NDUFAF6: variants seen among roughly 807,000 people sequenced by gnomAD.
NDUFAF6 encodes the protein NADH:ubiquinone oxidoreductase complex assembly factor 6.
NDUFAF6 carries 45 observed loss-of-function variants against 40.8 expected under a neutral mutation model. The observed-to-expected ratio is 1.10, with a 90% CI of 0.87 to 1.42. NDUFAF6 has a LOEUF of 1.42. NDUFAF6 is among the 40% of genes most tolerant of loss of function. NDUFAF6 has a pLI of 0.00. For synonymous variants in NDUFAF6, 185 were observed against 155.9 expected (o/e 1.19, Z -1.39); for missense variants, 435 against 418.5 (o/e 1.04, Z -0.34).
Position 95,004,928 on chromosome 8 carries a change from C to T in NDUFAF6, c.-84+23955C>T, listed in dbSNP as rs116403688. Among the ~76,000 whole-genome samples the T allele has an allele frequency of 1.0e-2, 1,516 of 152,194 alleles. 28 individuals are homozygous for T. Among genetic ancestry groups the T allele is most frequent in the African/African-American group, 0.035 (1,438 of 41,518 alleles). ...AATAAATATTGGTGAAATGATTTAT[C>T]GGAAGGGTCAAAGATAATTCTGAGG... On this transcript the variant is annotated intron_variant, in intron 2 of 9. Coordinates refer to the NDUFAF6 transcript ENST00000396111.
chr8:95,082,549 T>A (rs1808904874), intron 2 of NDUFAF6, among the ~76,000 whole-genome samples: 1 of 150,810 alleles, frequency 6.6e-6, no homozygotes, highest in South Asian at 2.1e-4. Flanking sequence ...TTGGATTTCC[T>A]GTTTTATGAA....
intron 1 of NDUFAF6, among the ~76,000 whole-genome samples, chr8:94,962,095 A>C (rs905046132): frequency 2.0e-5 from 3 of 152,214 alleles, no homozygotes; most frequent in African/African-American, 7.2e-5. Flanking sequence ...ATGTCAGCAG[A>C]AGTCTTCTAG....
chr8:94,932,760 G>A (rs544479993), intron 1 of NDUFAF6, among the ~76,000 whole-genome samples: 2 of 152,050 alleles, frequency 1.3e-5, no homozygotes, highest in East Asian at 1.9e-4. Flanking sequence ...CCGAGATAGC[G>A]CCACTGCACT....
chr8:95,023,782 T>C (rs1827799477), upstream of NDUFAF6, among the ~76,000 whole-genome samples: 1 of 152,148 alleles, frequency 6.6e-6, no homozygotes, highest in South Asian at 2.1e-4. Context: ...GATCATGAGG[T>C]CAGATCGAGA....
At chr8:94,933,431 A>G (rs1309644211) in intron 1 of NDUFAF6, among the ~76,000 whole-genome samples, 1 of 152,242 alleles carries the variant, frequency 6.6e-6, no homozygotes, top group Non-Finnish European at 1.5e-5. Flanking sequence ...CTACTGAAAC[A>G]AAATGGTGGA....
intron 4 of NDUFAF6, among the ~76,000 whole-genome samples, chr8:95,114,578 C>T (rs756320669): frequency 6.6e-6 from 1 of 152,120 alleles, no homozygotes; most frequent in East Asian, 1.9e-4. Context: ...TCTGTCACAC[C>T]GTATACAAAA....
At chr8:94,914,465 G>A (rs1393550894) in intron 1 of NDUFAF6, among the ~76,000 whole-genome samples, 1 of 152,150 alleles carries the variant, frequency 6.6e-6, no homozygotes, top group Non-Finnish European at 1.5e-5. Flanking sequence ...GCTCTTTCCA[G>A]CCACCGCCAG....
intron 8 of NDUFAF6, among the ~76,000 whole-genome samples, chr8:95,052,866 C>T (rs1231080294): frequency 6.6e-6 from 1 of 152,130 alleles, no homozygotes; most frequent in Non-Finnish European, 1.5e-5. Context: ...AACTGTTGTT[C>T]TAAAACTACA....
chr8:95,081,877 C>T (rs1416934969), intron 2 of NDUFAF6, among the ~76,000 whole-genome samples: 5 of 151,930 alleles, frequency 3.3e-5, no homozygotes, highest in African/African-American at 1.2e-4. Context: ...CTGGCTAACA[C>T]GGTGAAACCC....
chr8:95,075,802 G>C, exon 10 of NDUFAF6: 1 of 824,948 alleles, frequency 1.2e-6, no homozygotes, highest in Non-Finnish European at 1.8e-6. Context: ...GGCCAATCTT[G>C]CTTCACTCGA....
At chr8:94,949,517 C>G (rs377231776) in intron 2 of NDUFAF6, 49 of 152,220 alleles carry the variant, frequency 3.2e-4, no homozygotes, top group East Asian at 2.1e-3. Context: ...TGACCTGGCG[C>G]CCGGCCGGCG....
At chr8:95,096,534 A>G (rs1373639114), upstream of NDUFAF6, among the ~76,000 whole-genome samples, 3 of 152,204 alleles carry the variant, frequency 2.0e-5, no homozygotes, top group Non-Finnish European at 4.4e-5. Flanking sequence ...AATTAATATT[A>G]TTGAGCACTC....
intron 1 of NDUFAF6, among the ~76,000 whole-genome samples, chr8:94,922,786 A>G (rs1318124268): frequency 6.6e-6 from 1 of 152,160 alleles, no homozygotes; most frequent in Non-Finnish European, 1.5e-5. Flanking sequence ...CTGAATCTGC[A>G]TTTTTAACAG....
intron 1 of NDUFAF6, chr8:94,939,610 G>T (rs1057416075): frequency 1.1e-5 from 5 of 446,458 alleles, no homozygotes; most frequent in African/African-American, 1.0e-4. Flanking sequence ...GTTGCCCAGG[G>T]TGGTCTTGAA....
At chr8:95,028,325 A>G (rs1373751883) in intron 1 of NDUFAF6, among the ~76,000 whole-genome samples, 2 of 152,238 alleles carry the variant, frequency 1.3e-5, no homozygotes, top group Non-Finnish European at 2.9e-5. Context: ...ATTTCTCATT[A>G]TCTGGGACTG....
intron 2 of NDUFAF6, among the ~76,000 whole-genome samples, chr8:94,952,879 C>G (rs996083944): frequency 6.6e-6 from 1 of 152,190 alleles, no homozygotes; most frequent in Non-Finnish European, 1.5e-5. Flanking sequence ...AGGCGGGCCC[C>G]CTTCATTCAG....
intron 2 of NDUFAF6, among the ~76,000 whole-genome samples, chr8:95,017,322 A>G (rs1410097091): frequency 6.6e-6 from 1 of 152,064 alleles, no homozygotes; most frequent in Non-Finnish European, 1.5e-5. Flanking sequence ...ATGTGGAGTC[A>G]TGTAGAGTCA....
At chr8:94,923,604 A>T (rs777989425) in intron 1 of NDUFAF6, among the ~76,000 whole-genome samples, 1 of 151,802 alleles carries the variant, frequency 6.6e-6, no homozygotes, top group African/African-American at 2.4e-5. Flanking sequence ...CTTTTGCATA[A>T]TGAGCTGATA....
intron 6 of NDUFAF6, 121 bp downstream of exon 6, chr8:95,047,248 C>G: frequency 1.5e-6 from 2 of 1,359,422 alleles, no homozygotes; most frequent in Non-Finnish European, 2.0e-6. Flanking sequence ...TTATTGCTTA[C>G]TAAAAATGGC....
Sources: allele counts gnomAD v4.1 joint callset (sites outside exome capture counted in the v4.1 genomes callset), GRCh38; gene constraint gnomAD v4.1.1; transcripts MANE v1.5; gene names NCBI Gene and HGNC (gene_info 2026-07-23, HGNC 2026-07-21).